The following VPS53 variants were observed in gnomAD, a reference collection of about 807,000 sequenced individuals.
VPS53 encodes the protein VPS53 subunit of GARP complex, also known as vacuolar protein sorting-associated protein 53 homolog.
VPS53 carries 70 observed loss-of-function variants against 107.0 expected under a neutral mutation model. The ratio of observed to expected loss-of-function variants is 0.65; its 90% confidence interval spans 0.54 to 0.80. The LOEUF (loss-of-function observed/expected upper bound fraction) is 0.80, where lower values mean the gene tolerates loss of function less well. Ranked by LOEUF, VPS53 falls within the 30% of genes least tolerant of loss-of-function variation. VPS53 has a pLI of 0.00. For synonymous variants in VPS53, 409 were observed against 393.3 expected, an observed-to-expected ratio of 1.04 and a Z score of -0.47; for missense variants, 917 against 1,049.4, an observed-to-expected ratio of 0.87 and a Z score of 1.74.
At chr17:567,169 C>A (rs545299594) in intron 13 of VPS53, among the ~76,000 whole-genome samples, 16 of 152,180 alleles carry the variant, frequency 1.1e-4, no homozygotes, top group Non-Finnish European at 2.4e-4. Context: ...TTCAGAGCCA[C>A]CCCAATGAGT....
intron 11 of VPS53, among the ~76,000 whole-genome samples, chr17:610,705 C>T (rs1323164197): frequency 6.7e-6 from 1 of 150,368 alleles, no homozygotes; most frequent in Non-Finnish European, 1.5e-5. Context: ...CACTTGAGGC[C>T]AGGAGTTCAA....
At chr17:599,762 ATT>A (rs1308003460) in intron 12 of VPS53, among the ~76,000 whole-genome samples, 5 of 120,506 alleles carry the variant, frequency 4.1e-5, no homozygotes, top group African/African-American at 1.3e-4. Flanking sequence ...AAATAAATAA[ATT>A]AAAAAAAAAA....
intron 4 of VPS53, among the ~76,000 whole-genome samples, chr17:662,773 G>GAGAA (rs1192948080): frequency 1.7e-5 from 1 of 59,438 alleles, no homozygotes; most frequent in African/African-American, 5.1e-5. Context: ...AAGAAAGAAA[G>GAGAA]AGAAAGAAAG....
chr17:624,060 G>C (rs532598329), intron 10 of VPS53, among the ~76,000 whole-genome samples: 3 of 149,708 alleles, frequency 2.0e-5, no homozygotes, highest in Non-Finnish European at 4.4e-5. Context: ...GTTTCACCAT[G>C]TTGGCCAGGC....
intron 13 of VPS53, among the ~76,000 whole-genome samples, chr17:566,128 C>A (rs1198906114): frequency 1.4e-5 from 2 of 146,568 alleles, no homozygotes; most frequent in African/African-American, 2.6e-5. Flanking sequence ...GGCGTGAACC[C>A]GGGAGGCGGA....
chr17:564,541 GAA>G (rs34603655), intron 13 of VPS53, among the ~76,000 whole-genome samples: 5 of 97,000 alleles, frequency 5.2e-5, no homozygotes, highest in Non-Finnish European at 8.1e-5. Context: ...CTCTGTCTCA[GAA>G]AAAAAAAAAA....
intron 7 of VPS53, chr17:632,656 C>T (rs957080090): frequency 2.2e-5 from 10 of 453,426 alleles, no homozygotes; most frequent in African/African-American, 4.0e-5. Flanking sequence ...AGTTACTCCC[C>T]GCCTCCCTGC....
rs374776387 is a variant in VPS53 at position 658,331 on chromosome 17, G to A, written c.373-2378C>T. ...TCCCACTGAAGTGAGACACTCGGCC[G>A]TGAGTTCGTGGATAGATACATCCCA... On this transcript the variant is annotated intron_variant, in intron 5 of 21. Coordinates refer to ENST00000437048, the MANE Select transcript of VPS53 (RefSeq NM_001128159.3). Among the ~76,000 whole-genome samples, 28 of 142,592 alleles carry A rather than the reference G, an allele frequency of 2.0e-4. No homozygotes were observed. In the East Asian group the frequency reaches 2.9e-3, roughly 15 times the overall value. The allele number at this position is 142,592 out of a possible 152,430, so 93.5% of individuals were successfully genotyped here. A position where few individuals can be genotyped will look rare whatever the true frequency, so the allele number is the denominator to read the frequency against.
At chr17:637,161 C>G (rs1474268975) in intron 7 of VPS53, among the ~76,000 whole-genome samples, 2 of 152,040 alleles carry the variant, frequency 1.3e-5, no homozygotes, top group African/African-American at 4.8e-5. Flanking sequence ...TGTATGTGTC[C>G]AGGAATTTAT....
rs1270213665 is a variant in VPS53 at position 511,174 on chromosome 17, G to C, written c.*7954C>G. On this transcript the variant is annotated 3_prime_UTR_variant, in exon 22 of 22. Coordinates refer to ENST00000437048, the MANE Select transcript of VPS53 (RefSeq NM_001128159.3). ...GGTCCACTGCAGTGCTTGATTTTGT[G>C]AAGAACCCTGTGGAATGTGGTCTCT... 6.6e-6 allele frequency: 1 copy of C among 152,188 alleles called. No homozygotes were observed. Among genetic ancestry groups the C allele is most frequent in the Non-Finnish European group, 1.5e-5 (1 of 68,030 alleles). The allele number at this position is 152,188 out of a possible 1,614,324, so 9.4% of individuals were successfully genotyped here. A position where few individuals can be genotyped will look rare whatever the true frequency, so the allele number is the denominator to read the frequency against.
intron 2 of VPS53, among the ~76,000 whole-genome samples, chr17:708,848 T>A (rs1257860201): frequency 6.6e-6 from 1 of 152,238 alleles, no homozygotes; most frequent in African/African-American, 2.4e-5. Flanking sequence ...AATATCCATA[T>A]ACAATCATCT....
Position 668,215 on chromosome 17 carries a change from A to C in VPS53, c.286-6320T>G, listed in dbSNP as rs1971779612. ...CGGGGACACGCTGCGTTTATGATTC[A>C]GTATAGTTATTAACAGCTCCCTCTC... On this transcript the variant is annotated intron_variant, in intron 4 of 21. Transcript: ENST00000437048. Among the ~76,000 whole-genome samples, 4 of 152,326 alleles carry C rather than the reference A, an allele frequency of 2.6e-5. No homozygotes were observed. In the South Asian group the frequency reaches 8.3e-4, roughly 32 times the overall value.
At chr17:617,332 T>G (rs1969188758) in intron 11 of VPS53, among the ~76,000 whole-genome samples, 1 of 152,234 alleles carries the variant, frequency 6.6e-6, no homozygotes, top group Admixed American at 6.5e-5. Context: ...ATCAGGGGGC[T>G]GCTAAAGCCA....
At chr17:713,829 C>G (rs1234459966) in intron 1 of VPS53, among the ~76,000 whole-genome samples, 1 of 151,330 alleles carries the variant, frequency 6.6e-6, no homozygotes, top group Non-Finnish European at 1.5e-5. Context: ...TACTTGAGCT[C>G]AGGAGTTCGA....
chr17:563,594 A>G (rs566352764), intron 13 of VPS53, among the ~76,000 whole-genome samples: 18 of 152,214 alleles, frequency 1.2e-4, no homozygotes, highest in Non-Finnish European at 2.4e-4. Flanking sequence ...CACTGCGCCC[A>G]GCTCATTTAC....
chr17:631,834 C>T (rs1398301909), intron 7 of VPS53, among the ~76,000 whole-genome samples: 4 of 152,012 alleles, frequency 2.6e-5, no homozygotes, highest in Non-Finnish European at 5.9e-5. Context: ...GGTGAATCTT[C>T]TATATCCCCA....
At chr17:676,639 G>A (rs184915561) in intron 4 of VPS53, among the ~76,000 whole-genome samples, 1 of 152,256 alleles carries the variant, frequency 6.6e-6, no homozygotes, top group African/African-American at 2.4e-5. Flanking sequence ...CAGTTTATAT[G>A]GAGATGGCTC....
intron 4 of VPS53, among the ~76,000 whole-genome samples, chr17:672,835 G>A (rs963661832): frequency 1.6e-4 from 24 of 152,102 alleles, no homozygotes; most frequent in African/African-American, 5.6e-4. Flanking sequence ...GGCAGCGGCC[G>A]GGCGCAGTGG....
chr17:549,785 G>C (rs1911656344), intron 17 of VPS53, among the ~76,000 whole-genome samples: 1 of 152,144 alleles, frequency 6.6e-6, no homozygotes, highest in Admixed American at 6.5e-5. Context: ...GCCTCACTTT[G>C]CCTGCTCAGA....
Sources: gnomAD v4.1 joint callset for allele counts (sites outside exome capture counted in the v4.1 genomes callset) on GRCh38, gnomAD v4.1.1 for gene constraint, MANE v1.5 for transcripts, NCBI Gene and HGNC (gene_info 2026-07-23, HGNC 2026-07-21) for gene names.